Variants in ANO10 observed in about 807,000 individuals in gnomAD.
The protein encoded by ANO10 is anoctamin-10.
Under a neutral mutation model 74.7 loss-of-function variants are expected in ANO10, and 77 were observed. That is an observed-to-expected ratio of 1.03 (90% CI 0.86 to 1.25). ANO10 has a LOEUF of 1.25. ANO10 is among the 50% of genes most tolerant of loss of function. The probability of loss-of-function intolerance (pLI) is 0.00; values close to 1 mark genes in which losing one functional copy is unlikely to be tolerated. For synonymous variants in ANO10, 279 were observed against 284.9 expected, an observed-to-expected ratio of 0.98 and a Z score of 0.21; for missense variants, 721 against 778.1, an observed-to-expected ratio of 0.93 and a Z score of 0.87.
chr3:43,604,374 C>T (rs2082466585), intron 2 of ANO10, among the ~76,000 whole-genome samples: 1 of 152,066 alleles, frequency 6.6e-6, no homozygotes, highest in South Asian at 2.1e-4. Flanking sequence ...GGGTATTGTG[C>T]AGAGTAAACC....
chr3:43,447,040 T>C (rs1211340105), intron 11 of ANO10, among the ~76,000 whole-genome samples: 1 of 152,234 alleles, frequency 6.6e-6, no homozygotes, highest in Non-Finnish European at 1.5e-5. Flanking sequence ...TTTCCTTTTT[T>C]GTATTTCCTA....
At chr3:43,527,829 G>T (rs2078275297) in intron 11 of ANO10, among the ~76,000 whole-genome samples, 1 of 152,134 alleles carries the variant, frequency 6.6e-6, no homozygotes, top group Non-Finnish European at 1.5e-5. Context: ...TGAACTGCTA[G>T]ATCAGAGAGT....
intron 1 of ANO10, among the ~76,000 whole-genome samples, chr3:43,649,360 A>G (rs1019857734): frequency 6.6e-6 from 1 of 152,250 alleles, no homozygotes; most frequent in Non-Finnish European, 1.5e-5. Context: ...CCTTAAAAAC[A>G]TTAAATAACA....
At chr3:43,628,127 T>C (rs113756957) in intron 1 of ANO10, among the ~76,000 whole-genome samples, 87 of 152,306 alleles carry the variant, frequency 5.7e-4, no homozygotes, top group South Asian at 2.5e-3. Context: ...TTGTTTCTGG[T>C]ATTAAGAATA....
chr3:43,635,452 C>T (rs2083598075), intron 1 of ANO10, among the ~76,000 whole-genome samples: 1 of 152,190 alleles, frequency 6.6e-6, no homozygotes, highest in Non-Finnish European at 1.5e-5. Context: ...CAAGTATTCT[C>T]TAGTAAACAC....
At chr3:43,691,178 T>G in intron 1 of ANO10, 1 of 833,456 alleles carries the variant, frequency 1.2e-6, no homozygotes, top group Non-Finnish European at 1.6e-6. Context: ...CTCCCCGGCA[T>G]GAGTCCGCGC....
chr3:43,655,854 G>A (rs1194635580), intron 1 of ANO10, among the ~76,000 whole-genome samples: 14 of 79,438 alleles, frequency 1.8e-4, no homozygotes, highest in South Asian at 6.2e-4. Flanking sequence ...GGTTCTCCAC[G>A]TCCCCACCAG....
At chr3:43,648,867 C>T (rs936541948) in intron 1 of ANO10, among the ~76,000 whole-genome samples, 9 of 151,884 alleles carry the variant, frequency 5.9e-5, no homozygotes, top group South Asian at 2.1e-4. Flanking sequence ...TTAGTAGAGA[C>T]GGGGTTTCAT....
intron 11 of ANO10, among the ~76,000 whole-genome samples, chr3:43,454,517 C>A (rs191436125): frequency 1.3e-3 from 199 of 149,840 alleles, no homozygotes; most frequent in Non-Finnish European, 2.0e-3. Context: ...AAAACACACA[C>A]AAAAAAAGGG....
intron 1 of ANO10, among the ~76,000 whole-genome samples, chr3:43,643,413 C>G (rs1470310924): frequency 6.6e-6 from 1 of 151,836 alleles, no homozygotes; most frequent in Non-Finnish European, 1.5e-5. Context: ...CTCAATTTTG[C>G]CAAATCCCCA....
intron 4 of ANO10, among the ~76,000 whole-genome samples, chr3:43,597,825 A>C (rs534056132): frequency 6.6e-6 from 1 of 152,094 alleles, no homozygotes; most frequent in African/African-American, 2.4e-5. Context: ...AGGCTAAGGC[A>C]GGAGATTATT....
At position 43,674,685 on chromosome 3, in the gene ANO10, G is replaced by A. The variant is rs1372012792; in HGVS notation, c.-12+16832C>T. ...GCAATCAACACCTGTGGGAAGGAAG[G>A]GAGAAAGAGGGACTGGGTAGAGAGG... is the stretch of plus-strand genomic sequence containing the variant. On this transcript the variant is annotated intron_variant, in intron 1 of 3. Coordinates refer to the ANO10 transcript ENST00000413397. 2.0e-5 allele frequency among the ~76,000 whole-genome samples: 3 copies of A among 152,270 alleles called. No homozygotes were observed. In the East Asian group the frequency reaches 5.8e-4, roughly 29 times the overall value.
chr3:43,417,316 C>G (rs575471113), intron 12 of ANO10, among the ~76,000 whole-genome samples: 11 of 152,284 alleles, frequency 7.2e-5, no homozygotes, highest in African/African-American at 2.4e-4. Context: ...CAAGATGGCG[C>G]TGGCCAAGGG....
intron 1 of ANO10, among the ~76,000 whole-genome samples, chr3:43,638,222 T>G (rs1011340618): frequency 6.6e-6 from 1 of 152,212 alleles, no homozygotes; most frequent in Admixed American, 6.5e-5. Flanking sequence ...TGCATTACAA[T>G]TGAAGAGATG....
chr3:43,471,686 T>C (rs544878056), intron 11 of ANO10, among the ~76,000 whole-genome samples: 1 of 152,170 alleles, frequency 6.6e-6, no homozygotes, highest in East Asian at 1.9e-4. Flanking sequence ...GGCAGGAGGA[T>C]CACTTGAGCC....
intron 11 of ANO10, among the ~76,000 whole-genome samples, chr3:43,455,015 G>C (rs566343822): frequency 6.6e-6 from 1 of 152,324 alleles, no homozygotes; most frequent in African/African-American, 2.4e-5. Context: ...TCCAGCCCCT[G>C]AGTGTGGAGG....
intron 11 of ANO10, among the ~76,000 whole-genome samples, chr3:43,499,108 G>A (rs964394450): frequency 6.6e-6 from 1 of 152,126 alleles, no homozygotes; most frequent in Non-Finnish European, 1.5e-5. Context: ...ACTAGAGAGA[G>A]GGGCAGTTTG....
intron 10 of ANO10, among the ~76,000 whole-genome samples, chr3:43,552,685 A>T (rs2079522840): frequency 7.6e-6 from 1 of 130,896 alleles, no homozygotes; most frequent in East Asian, 2.2e-4. Context: ...TTTCTGAAAA[A>T]TATTATCTCT....
intron 11 of ANO10, among the ~76,000 whole-genome samples, chr3:43,481,482 A>G (rs949143453): frequency 7.2e-5 from 11 of 152,122 alleles, no homozygotes; most frequent in Non-Finnish European, 1.3e-4. Flanking sequence ...GCTAACCTGA[A>G]AAACTAGTTC....
Sources: gnomAD v4.1 joint callset for allele counts (sites outside exome capture counted in the v4.1 genomes callset) on GRCh38, gnomAD v4.1.1 for gene constraint, MANE v1.5 for transcripts, NCBI Gene and HGNC (gene_info 2026-07-23, HGNC 2026-07-21) for gene names.